Variants in IARS2 observed in about 807,000 individuals in gnomAD.
IARS2 encodes the protein isoleucine--tRNA ligase, mitochondrial.
IARS2 carries 56 observed loss-of-function variants against 126.3 expected under a neutral mutation model. That is an observed-to-expected ratio of 0.44 (90% CI 0.36 to 0.55). IARS2 has a LOEUF of 0.55. Among genes scored for constraint, IARS2 ranks in the 20% least tolerant of loss-of-function variants. The pLI is 0.00. For synonymous variants in IARS2, 407 were observed against 441.1 expected, an observed-to-expected ratio of 0.92 and a Z score of 0.97; for missense variants, 1,127 against 1,245.9, an observed-to-expected ratio of 0.90 and a Z score of 1.44.
intron 12 of IARS2, 31 bp downstream of exon 12, chr1:220,114,505 T>G: frequency 6.5e-7 from 1 of 1,537,462 alleles, no homozygotes; most frequent in Non-Finnish European, 8.8e-7. Flanking sequence ...TTTTAGTGTT[T>G]TAAAGTGAAA....
intron 1 of IARS2, among the ~76,000 whole-genome samples, chr1:220,095,163 C>G (rs772004265): frequency 4.6e-5 from 7 of 152,174 alleles, no homozygotes; most frequent in Non-Finnish European, 1.0e-4. Context: ...CTTAGCCTCC[C>G]CAGTTGCTGG....
Position 220,143,002 on chromosome 1 carries a change from C to T in IARS2, c.2619C>T (p.Pro873=), listed in dbSNP as rs376192549. The T allele has an allele frequency of 1.1e-5, 18 of 1,613,878 alleles. No individual in the cohort carries two copies. The highest frequency in any genetic ancestry group is 1.6e-4 in the Middle Eastern group (1 of 6,084). Residue 873 remains proline (P), a synonymous_variant, in exon 21 of 23, where the codon CCC becomes CCT. Coordinates refer to ENST00000366922, the MANE Select transcript of IARS2 (RefSeq NM_018060.4). The part of the protein sequence containing the change: ...WISTSSIWKK[P]GLEEAVESAC... ...GTACTAGTTCTATCTGGAAAAAGCC[C>T]GGGTTGGAAGAAGCTGTGGAGAGTG...
Position 220,126,693 on chromosome 1 carries a change from T to C in IARS2, c.1744-57T>C, listed in dbSNP as rs2289191. 0.07 allele frequency: 87,024 copies of C among 1,244,492 alleles called. 3,420 individuals are homozygous for C. The highest frequency in any genetic ancestry group is 0.077 in the Non-Finnish European group (66,167 of 853,806). The allele number at this position is 1,244,492 out of a possible 1,614,324, so 77.1% of individuals were successfully genotyped here. On this transcript the variant is annotated intron_variant, in intron 13 of 22. Coordinates refer to ENST00000366922, the MANE Select transcript of IARS2 (RefSeq NM_018060.4). ...TCTGAAGACTTTTGGGGTACAGTAT[T>C]TGTTGTCTATATTGTGATCTTTGTG... is the stretch of plus-strand genomic sequence containing the variant.
At chr1:220,128,398 A>T (rs909705492) in intron 14 of IARS2, among the ~76,000 whole-genome samples, 2 of 152,228 alleles carry the variant, frequency 1.3e-5, no homozygotes, top group Non-Finnish European at 2.9e-5. Context: ...AGTATTCAGT[A>T]TAGTAACATG....
Position 220,147,783 on chromosome 1 carries a change from A to G in IARS2, c.*148A>G. ...GGATGGGAGTCAAAATCAGAATTAT[A>G]GAAGAAGTATTTCCTGTAACTATAG... On this transcript the variant is annotated 3_prime_UTR_variant, in exon 23 of 23. Coordinates refer to ENST00000366922, the MANE Select transcript of IARS2 (RefSeq NM_018060.4). 2.9e-6 allele frequency: 2 copies of G among 689,092 alleles called. No homozygotes were observed. The highest frequency in any genetic ancestry group is 4.8e-6 in the Non-Finnish European group (2 of 413,266). The allele number at this position is 689,092 out of a possible 1,614,324, so 42.7% of individuals were successfully genotyped here.
At position 220,136,789 on chromosome 1, in the gene IARS2, T is replaced by C; in HGVS notation, c.1947-20T>C. On this transcript the variant is annotated intron_variant, in intron 15 of 22. Transcript: ENST00000366922. ...ATTATAATTGTGTTTATCATTAAAA[T>C]AGCTGATTTGTCCCTTTAGGACAGT... is the stretch of plus-strand genomic sequence containing the variant. The C allele has an allele frequency of 7.9e-7, 1 of 1,262,388 alleles. No individual in the cohort carries two copies. Among genetic ancestry groups the C allele is most frequent in the South Asian group, 1.3e-5 (1 of 78,466 alleles). 78.2% of individuals were successfully genotyped at this position (1,262,388 alleles called of 1,614,324 possible).
Position 220,094,231 on chromosome 1 carries a change from G to A in IARS2, c.15G>A (p.Leu5=). Residue 5 remains leucine (L), a synonymous_variant, in exon 1 of 23, where the codon CTG becomes CTA. Transcript: ENST00000366922. MRWG[L]RPRGPGAAAL... ...GTTGCCGGACCATGCGTTGGGGGCT[G>A]CGCCCTCGCGGGCCGGGCGCGGCCG... 6.3e-7 allele frequency: 1 copy of A among 1,588,446 alleles called. No individual in the cohort carries two copies. Among genetic ancestry groups the A allele is most frequent in the Non-Finnish European group, 8.6e-7 (1 of 1,168,308 alleles).
chr1:220,099,355 A>G (rs1420003618), intron 2 of IARS2, among the ~76,000 whole-genome samples: 1 of 152,194 alleles, frequency 6.6e-6, no homozygotes, highest in Non-Finnish European at 1.5e-5. Flanking sequence ...TTAACTCAAC[A>G]TATCTAAAGT....
rs1657163883 is a variant in IARS2 at position 220,126,763 on chromosome 1, A to G, written c.1757A>G (p.Asp586Gly). Residue 586 changes from aspartate to glycine, a missense_variant, in exon 14 of 23, where the codon GAT (aspartate) becomes GGT (glycine). By Grantham distance (94) the Asp-to-Gly change is moderately conservative (BLOSUM62 -1). Transcript: ENST00000366922. ...TTATCTTACTAGGTTGGTGGCCCTG[A>G]TGCCTTGGAATATGTGCCAGGTCAG... ...KEVLSEVGGPDALEYVPGQDI... is the reference protein window; with the variant it reads ...KEVLSEVGGPGALEYVPGQDI... The G allele has an allele frequency of 6.2e-7, 1 of 1,613,102 alleles. No homozygotes were observed. Among genetic ancestry groups the G allele is most frequent in the South Asian group, 1.1e-5 (1 of 90,878 alleles).
At chr1:220,095,865 TAA>T (rs918951225) in intron 1 of IARS2, among the ~76,000 whole-genome samples, 51 of 152,336 alleles carry the variant, frequency 3.3e-4, no homozygotes, top group African/African-American at 1.2e-3. Context: ...GCATATCATA[TAA>T]AGAGTTTAGA....
chr1:220,143,923 G>A (rs968615188), intron 21 of IARS2: 22 of 990,208 alleles, frequency 2.2e-5, no homozygotes, highest in Admixed American at 8.3e-5. Flanking sequence ...TTTTTTCCAC[G>A]GGGCATTTTA....
At chr1:220,099,605 G>C (rs564831122) in intron 2 of IARS2, among the ~76,000 whole-genome samples, 6 of 152,264 alleles carry the variant, frequency 3.9e-5, no homozygotes, top group African/African-American at 1.2e-4. Flanking sequence ...CATTCGAAAG[G>C]CTGGAATTCA....
Position 220,094,250 on chromosome 1 carries a change from G to A in IARS2, c.34G>A (p.Ala12Thr), listed in dbSNP as rs769429082. 1.1e-4 allele frequency: 179 copies of A among 1,598,608 alleles called. 1 individual carries two copies. In the South Asian group the frequency reaches 1.9e-3, roughly 17 times the overall value. Reference sequence around the variant, plus strand: ...GGGGCTGCGCCCTCGCGGGCCGGGCGCGGCCGCCCTGGCCACTGCCCGAAG... The same window carrying A: ...GGGGCTGCGCCCTCGCGGGCCGGGCACGGCCGCCCTGGCCACTGCCCGAAG... Reference protein sequence around the residue: ...RWGLRPRGPGAAALATARSLW... With the variant: ...RWGLRPRGPGTAALATARSLW... The change falls in exon 1 of 23, where the codon GCG becomes ACG. Residue 12 changes from alanine (A) to threonine (T), a missense_variant. Coordinates refer to ENST00000366922, the MANE Select transcript of IARS2 (RefSeq NM_018060.4).
intron 14 of IARS2, among the ~76,000 whole-genome samples, chr1:220,131,722 G>A (rs1171881191): frequency 1.3e-5 from 2 of 152,026 alleles, no homozygotes; most frequent in Non-Finnish European, 2.9e-5. Flanking sequence ...CTGACCTCAA[G>A]GGATCAGCGC....
chr1:220,105,491 T>C (rs1380993339), intron 8 of IARS2, among the ~76,000 whole-genome samples: 1 of 152,160 alleles, frequency 6.6e-6, no homozygotes, highest in Admixed American at 6.5e-5. Context: ...CTACTACTTA[T>C]TAAAGTAGTA....
At position 220,125,252 on chromosome 1, in the gene IARS2, TATTGTTAA is replaced by T. The variant is rs1395770026; in HGVS notation, c.1658_1665del (p.Ile553ThrfsTer8). 1 of 1,612,070 alleles carries T rather than the reference TATTGTTAA, an allele frequency of 6.2e-7. No homozygotes were observed. On this transcript the variant is annotated frameshift_variant, in exon 13 of 23. Coordinates refer to ENST00000366922, the MANE Select transcript of IARS2 (RefSeq NM_018060.4). LOFTEE classifies it high-confidence loss of function. The stretch of plus-strand genomic sequence containing the variant: ...CCTGAAATAGCCAAACCACTGAGCA[TATTGTTAA>T]ACTAGTGGAACAACACGGCAGTGAT...
intron 22 of IARS2, among the ~76,000 whole-genome samples, chr1:220,146,001 A>G (rs1048492236): frequency 1.3e-5 from 2 of 152,166 alleles, no homozygotes; most frequent in African/African-American, 4.8e-5. Context: ...GTACTGGCCC[A>G]GTCCTGCCCA....
chr1:220,107,063 T>C lies in IARS2; in HGVS notation c.1239T>C (p.Asp413=). The C allele has an allele frequency of 1.3e-6, 2 of 1,596,004 alleles. No homozygotes were observed. The highest frequency in any genetic ancestry group is 2.2e-5 in the South Asian group (2 of 90,696). ...GVASQHNLPM[D]CLVDEDGVFT... ...TTGTTCAAAATGATACTTTATAGGATTGTCTAGTGGACGAAGATGGAGTTT... is the reference window on the plus strand; with the variant it reads ...TTGTTCAAAATGATACTTTATAGGACTGTCTAGTGGACGAAGATGGAGTTT... Residue 413 remains aspartate (D), a splice_region_variant and synonymous_variant, in exon 10 of 23, where the codon GAT becomes GAC. Transcript: ENST00000366922.
chr1:220,109,514 A>G (rs1253725762), intron 10 of IARS2, among the ~76,000 whole-genome samples: 1 of 152,218 alleles, frequency 6.6e-6, no homozygotes, highest in Non-Finnish European at 1.5e-5. Context: ...AAAAATTTAA[A>G]AAAGTTTTGT....
Sources: allele counts gnomAD v4.1 joint callset (sites outside exome capture counted in the v4.1 genomes callset), GRCh38; gene constraint gnomAD v4.1.1; transcripts MANE v1.5; gene names NCBI Gene and HGNC (gene_info 2026-07-23, HGNC 2026-07-21).